SNAP47: variants seen among roughly 807,000 people sequenced by gnomAD.
SNAP47 encodes synaptosomal-associated protein 47.
A neutral mutation model predicts 31.4 loss-of-function variants in SNAP47; 20 were observed. That is an observed-to-expected ratio of 0.64 (90% CI 0.45 to 0.93). The LOEUF (loss-of-function observed/expected upper bound fraction) is 0.93. Ranked by LOEUF, SNAP47 falls within the 40% of genes least tolerant of loss-of-function variation. The pLI, the probability that SNAP47 is intolerant of heterozygous loss-of-function variation, is 0.00. For missense variants in SNAP47, 492 were observed against 528.5 expected (o/e 0.93, Z 0.68); for synonymous variants, 194 against 213.4 (o/e 0.91, Z 0.79).
intron 4 of SNAP47, chr1:227,777,248 C>T: frequency 2.8e-6 from 1 of 352,268 alleles, no homozygotes; most frequent in Non-Finnish European, 4.0e-6. Context: ...GTGATCACAT[C>T]ACAACCAGGG....
At chr1:227,736,732 AG>A (rs1661226562) in intron 1 of SNAP47, among the ~76,000 whole-genome samples, 1 of 144,610 alleles carries the variant, frequency 6.9e-6, no homozygotes, top group Non-Finnish European at 1.5e-5. Flanking sequence ...GTGTTGCCCA[AG>A]CCGGTGTTGA....
chr1:227,778,778 G>A lies in SNAP47; in HGVS notation c.1114-1749G>A, dbSNP rs117475297. Among the ~76,000 whole-genome samples, 690 of 152,284 alleles carry A rather than the reference G, an allele frequency of 4.5e-3. 17 individuals are homozygous for A. In the South Asian group the frequency reaches 0.053, roughly 12 times the overall value. ...ACCTCCTGTGTGAGGTCATCTGCCC[G>A]TCCTCCTGGAGCCACTGACCCCACC... On this transcript the variant is annotated intron_variant, in intron 4 of 4. Transcript: ENST00000617596.
At chr1:227,733,387 T>C (rs1181675990), upstream of SNAP47, 5 of 1,561,092 alleles carry the variant, frequency 3.2e-6, no homozygotes, top group Middle Eastern at 1.9e-4. Context: ...AGGCCCCTGA[T>C]AGGGGGCAGG....
At chr1:227,759,899 G>A (rs1662952975) in intron 3 of SNAP47, among the ~76,000 whole-genome samples, 2 of 152,204 alleles carry the variant, frequency 1.3e-5, no homozygotes, top group South Asian at 2.1e-4. Flanking sequence ...GGGAAGCCTG[G>A]ATGAATTCTG....
chr1:227,746,474 A>C (rs568947736), intron 1 of SNAP47: 82 of 152,402 alleles, frequency 5.4e-4, no homozygotes, highest in African/African-American at 1.7e-3. Flanking sequence ...GTGGCTTTTC[A>C]GTGTGTCTTG....
At chr1:227,749,365 G>A (rs571749368) in intron 2 of SNAP47, among the ~76,000 whole-genome samples, 1 of 152,238 alleles carries the variant, frequency 6.6e-6, no homozygotes, top group African/African-American at 2.4e-5. Context: ...CTGCCCTCAG[G>A]TTCCATCCAG....
chr1:227,780,747 G>A lies in SNAP47; in HGVS notation c.*74G>A, dbSNP rs965385760. On this transcript the variant is annotated 3_prime_UTR_variant, in exon 5 of 5. Coordinates refer to ENST00000617596, the MANE Select transcript of SNAP47 (RefSeq NM_053052.4). ...ATGGAGGGCTGGGCGGCAGTGCCAGGGCTGCAGAGGCCTGTGGCCCTCCGG... is the reference window on the plus strand; with the variant it reads ...ATGGAGGGCTGGGCGGCAGTGCCAGAGCTGCAGAGGCCTGTGGCCCTCCGG... 9 of 1,589,076 alleles carry A rather than the reference G, an allele frequency of 5.7e-6. No individual in the cohort carries two copies. The highest frequency in any genetic ancestry group is 1.7e-5 in the Admixed American group (1 of 58,864).
rs543979409 is a variant in SNAP47 at position 227,762,050 on chromosome 1, C to T, written c.988+2565C>T. On this transcript the variant is annotated intron_variant, in intron 3 of 4. Coordinates refer to ENST00000617596, the MANE Select transcript of SNAP47 (RefSeq NM_053052.4). This position sits in a 1 kb window ranked among gnomAD's most constrained non-coding sequence, Gnocchi z 4.2. ...ACCTGAGTGTGGGTTGTAGCCACAG[C>T]GAGCACCGTCTTTTCACTTGCACAG... 6.6e-6 allele frequency among the ~76,000 whole-genome samples: 1 copy of T among 152,324 alleles called. No homozygotes were observed. Among genetic ancestry groups the T allele is most frequent in the East Asian group, 1.9e-4 (1 of 5,176 alleles).
intron 1 of SNAP47, among the ~76,000 whole-genome samples, chr1:227,728,946 G>T (rs375595714): frequency 1.3e-5 from 2 of 152,304 alleles, no homozygotes; most frequent in East Asian, 1.9e-4. Flanking sequence ...CGCAGGGGAG[G>T]GGGGCGGCAG....
rs1021690654 is a variant in SNAP47, at chr1:227,780,976, G to A, written c.*303G>A. 4.2e-5 allele frequency: 16 copies of A among 381,702 alleles called. No individual in the cohort carries two copies. Among genetic ancestry groups the A allele is most frequent in the East Asian group, 3.5e-4 (7 of 19,952 alleles). The allele number at this position is 381,702 out of a possible 1,614,324, so 23.6% of individuals were successfully genotyped here. A position where few individuals can be genotyped will look rare whatever the true frequency, so the allele number is the denominator to read the frequency against. ...CACAGGCCTGGAAGAGGCCGCCCTC[G>A]TCTTGTCTCGGCTCCCTTTCATGGA... On this transcript the variant is annotated 3_prime_UTR_variant, in exon 5 of 5. Coordinates refer to ENST00000617596, the MANE Select transcript of SNAP47 (RefSeq NM_053052.4).
At chr1:227,767,196 C>G in intron 4 of SNAP47, 113 bp downstream of exon 4, 1 of 1,469,562 alleles carries the variant, frequency 6.8e-7, no homozygotes, top group Non-Finnish European at 9.2e-7. Flanking sequence ...CCGTATTGGC[C>G]TCGCACCAAG....
intron 4 of SNAP47, among the ~76,000 whole-genome samples, chr1:227,769,647 A>G (rs1259460652): frequency 6.6e-6 from 1 of 152,134 alleles, no homozygotes; most frequent in Non-Finnish European, 1.5e-5. Flanking sequence ...CAGGACAGGC[A>G]GGGGTGACAC....
upstream of SNAP47, among the ~76,000 whole-genome samples, chr1:227,730,134 A>G (rs553420013): frequency 3.3e-5 from 5 of 152,272 alleles, no homozygotes; most frequent in East Asian, 9.6e-4. Context: ...CTCACACTTG[A>G]TAGGGATGAC....
At chr1:227,732,632 G>GT, upstream of SNAP47, 1 of 1,613,474 alleles carries the variant, frequency 6.2e-7, no homozygotes, top group Non-Finnish European at 8.5e-7. Context: ...TGAGGAAGTG[G>GT]TAAAACTCTT....
intron 1 of SNAP47, among the ~76,000 whole-genome samples, chr1:227,744,821 G>T (rs2102908187): frequency 6.6e-6 from 1 of 152,314 alleles, no homozygotes; most frequent in East Asian, 1.9e-4. Context: ...CTGCCTCGGG[G>T]AGTGGCTGTG....
chr1:227,747,573 C>A, intron 1 of SNAP47, 119 bp from the exon 2 acceptor site: 1 of 1,009,464 alleles, frequency 9.9e-7, no homozygotes, highest in Non-Finnish European at 1.5e-6. Context: ...GATCGAGAGT[C>A]AGCCACGTGC....
upstream of SNAP47, chr1:227,734,648 TA>T (rs768287030): frequency 3.7e-6 from 6 of 1,613,836 alleles, no homozygotes; most frequent in South Asian, 6.6e-5. Flanking sequence ...CAAGCCCCAT[TA>T]CCTGCACAAG....
upstream of SNAP47, chr1:227,732,437 C>T (rs546737411): frequency 2.5e-4 from 409 of 1,613,218 alleles, 1 homozygote; most frequent in South Asian, 4.2e-3. Flanking sequence ...GCTGCTGCAG[C>T]AGCTCTTTGG....
intron 4 of SNAP47, among the ~76,000 whole-genome samples, chr1:227,772,157 C>A (rs781668579): frequency 2.0e-5 from 3 of 152,152 alleles, no homozygotes; most frequent in Non-Finnish European, 4.4e-5. Context: ...GAAGGTAATA[C>A]GTGTTATAGC....
Sources: gnomAD v4.1 joint callset for allele counts (sites outside exome capture counted in the v4.1 genomes callset) on GRCh38, gnomAD v4.1.1 for gene constraint, Gnocchi (gnomAD v3.1) non-coding constraint, MANE v1.5 for transcripts, NCBI Gene and HGNC (gene_info 2026-07-23, HGNC 2026-07-21) for gene names.